Variants in FHIT observed in about 807,000 individuals in gnomAD.
FHIT encodes bis(5'-adenosyl)-triphosphatase.
In FHIT, 19 loss-of-function variants were observed where a neutral mutation model predicts 17.9. The ratio of observed to expected loss-of-function variants is 1.06; its 90% CI spans 0.74 to 1.56. The LOEUF (loss-of-function observed/expected upper bound fraction) is 1.56, where lower values mean the gene tolerates loss of function less well. Ranked by LOEUF, FHIT falls within the 40% of genes most tolerant of loss-of-function variation. The pLI is 0.00. For synonymous variants in FHIT, 81 were observed against 69.7 expected, an observed-to-expected ratio of 1.16 and a Z score of -0.81; for missense variants, 248 against 189.2, an observed-to-expected ratio of 1.31 and a Z score of -1.82.
At chr3:61,054,968 G>A (rs1463688574) in intron 2 of FHIT, among the ~76,000 whole-genome samples, 1 of 152,152 alleles carries the variant, frequency 6.6e-6, no homozygotes, top group African/African-American at 2.4e-5. Flanking sequence ...TGGGGTTTCA[G>A]TTCAACGTTA....
chr3:60,580,261 T>C (rs1444608360), intron 4 of FHIT, among the ~76,000 whole-genome samples: 2 of 152,126 alleles, frequency 1.3e-5, no homozygotes, highest in African/African-American at 4.8e-5. Context: ...GATTCAGTGG[T>C]CACGTTAATG....
intron 3 of FHIT, among the ~76,000 whole-genome samples, chr3:60,852,132 A>G (rs1703179467): frequency 6.6e-6 from 1 of 151,734 alleles, no homozygotes; most frequent in Non-Finnish European, 1.5e-5. Flanking sequence ...TGATTAGGAC[A>G]AAAAAAAGCT....
chr3:59,990,160 G>A (rs1428191659), intron 7 of FHIT, among the ~76,000 whole-genome samples: 1 of 151,974 alleles, frequency 6.6e-6, no homozygotes, highest in African/African-American at 2.4e-5. Flanking sequence ...ATATTTTTAT[G>A]TATTTTCGAA....
chr3:60,193,933 A>G (rs1178320593), intron 5 of FHIT, among the ~76,000 whole-genome samples: 1 of 152,218 alleles, frequency 6.6e-6, no homozygotes, highest in Non-Finnish European at 1.5e-5. Flanking sequence ...AAAGAACTTG[A>G]AAGTATCATA....
At chr3:60,281,833 A>G (rs1287791355) in intron 5 of FHIT, among the ~76,000 whole-genome samples, 1 of 152,196 alleles carries the variant, frequency 6.6e-6, no homozygotes, top group African/African-American at 2.4e-5. Flanking sequence ...ATTGAATTGT[A>G]TTAAAATTTA....
intron 5 of FHIT, among the ~76,000 whole-genome samples, chr3:60,105,805 C>A (rs556098727): frequency 6.6e-6 from 1 of 151,964 alleles, no homozygotes; most frequent in Admixed American, 6.6e-5. Context: ...ACTCTAAAAA[C>A]TTTCAAAATT....
At chr3:60,305,639 GAAAT>G (rs1708636130) in intron 5 of FHIT, among the ~76,000 whole-genome samples, 2 of 152,096 alleles carry the variant, frequency 1.3e-5, no homozygotes. Context: ...GAAGAAGTAA[GAAAT>G]AACTGCCAAG....
chr3:60,357,841 C>T (rs1194144342), intron 5 of FHIT, among the ~76,000 whole-genome samples: 2 of 152,156 alleles, frequency 1.3e-5, no homozygotes, highest in African/African-American at 4.8e-5. Flanking sequence ...CATAAGACTA[C>T]CTTGTTGTTC....
chr3:60,548,397 C>CA lies in FHIT; in HGVS notation c.-17-11419dup, dbSNP rs565330466. Among the ~76,000 whole-genome samples the CA allele has an allele frequency of 2.1e-4, 32 of 152,126 alleles. No individual in the cohort carries two copies. The East Asian group carries it at 6.2e-3, about 29-fold the overall frequency. On this transcript the variant is annotated intron_variant, in intron 4 of 9. Transcript: ENST00000492590. ...TTCATCAAATAGAGAACAATAAATA[C>CA]AAACTTTTTGAGAGCATGAGGGCCT...
intron 2 of FHIT, among the ~76,000 whole-genome samples, chr3:61,161,375 G>C (rs2037689191): frequency 6.6e-6 from 1 of 151,870 alleles, no homozygotes; most frequent in South Asian, 2.1e-4. Context: ...CTCATTTTTT[G>C]TATTTTTAGT....
At chr3:59,750,733 A>C (rs1700850804) in intron 9 of FHIT, 2 of 213,032 alleles carry the variant, frequency 9.4e-6, no homozygotes, top group Non-Finnish European at 1.9e-5. Context: ...TATTTAGAAT[A>C]CTCTAAAAAG....
intron 4 of FHIT, among the ~76,000 whole-genome samples, chr3:60,699,424 C>G (rs2041187950): frequency 6.6e-6 from 1 of 152,036 alleles, no homozygotes; most frequent in East Asian, 1.9e-4. Context: ...TCAGTGTGAG[C>G]AAAAATGTCA....
At chr3:59,930,926 A>T in intron 7 of FHIT, among the ~76,000 whole-genome samples, 1 of 152,242 alleles carries the variant, frequency 6.6e-6, no homozygotes, top group Middle Eastern at 3.4e-3. Flanking sequence ...AGCCCCTACA[A>T]TTAAGCAGTT....
chr3:61,167,334 C>T (rs1362873082), intron 2 of FHIT, among the ~76,000 whole-genome samples: 1 of 151,512 alleles, frequency 6.6e-6, no homozygotes, highest in East Asian at 1.9e-4. Flanking sequence ...CTTGCATATA[C>T]AGACGTTAAA....
chr3:60,293,052 T>C (rs1428811523), intron 5 of FHIT, among the ~76,000 whole-genome samples: 1 of 152,182 alleles, frequency 6.6e-6, no homozygotes, highest in Non-Finnish European at 1.5e-5. Context: ...TATAGTACAT[T>C]AAACCCACAG....
At chr3:60,881,090 A>G (rs1704954523) in intron 3 of FHIT, among the ~76,000 whole-genome samples, 1 of 152,208 alleles carries the variant, frequency 6.6e-6, no homozygotes, top group Non-Finnish European at 1.5e-5. Context: ...TTAAGAGCAA[A>G]GGAATAGAAA....
chr3:61,141,874 T>C (rs1016893683), intron 2 of FHIT, among the ~76,000 whole-genome samples: 3 of 151,540 alleles, frequency 2.0e-5, no homozygotes, highest in African/African-American at 7.2e-5. Flanking sequence ...GCTTCTTTCT[T>C]TGGGAAATCT....
At chr3:60,570,680 C>A (rs1042741628) in intron 4 of FHIT, among the ~76,000 whole-genome samples, 3 of 149,814 alleles carry the variant, frequency 2.0e-5, no homozygotes, top group African/African-American at 7.4e-5. Context: ...AGTTGGTCAC[C>A]TTCACCAGGG....
rs2035960186 is a variant in FHIT, at chr3:60,535,796, T to G, written c.103+1064A>C. Reference sequence around the variant, plus strand: ...ATCACAATTATCTTTTGGTACATGTTTTTCTTATTTGTATTTTTTTTTTTT... The same window carrying G: ...ATCACAATTATCTTTTGGTACATGTGTTTCTTATTTGTATTTTTTTTTTTT... On this transcript the variant is annotated intron_variant, in intron 5 of 9. Transcript: ENST00000492590. 4 of 139,712 alleles carry G rather than the reference T, an allele frequency of 2.9e-5. 1 individual carries two copies. In the South Asian group the frequency reaches 9.8e-4, roughly 34 times the overall value. 8.7% of individuals were successfully genotyped at this position (139,712 alleles called of 1,614,324 possible).
Sources: allele counts gnomAD v4.1 joint callset (sites outside exome capture counted in the v4.1 genomes callset), GRCh38; gene constraint gnomAD v4.1.1; transcripts MANE v1.5; gene names NCBI Gene and HGNC (gene_info 2026-07-23, HGNC 2026-07-21).